KCNJ12: variants seen among roughly 807,000 people sequenced by gnomAD.
KCNJ12 encodes ATP-sensitive inward rectifier potassium channel 12.
Under a neutral mutation model 22.3 loss-of-function variants are expected in KCNJ12, and 2 were observed. The ratio of observed to expected loss-of-function variants is 0.09; its 90% CI spans 0.04 to 0.28. KCNJ12 has a LOEUF of 0.28. Ranked by LOEUF, KCNJ12 falls within the 10% of genes least tolerant of loss-of-function variation. KCNJ12 has a pLI of 1.00. For synonymous variants in KCNJ12, 117 were observed against 261.4 expected (o/e 0.45, Z 5.33); for missense variants, 155 against 633.3 (o/e 0.24, Z 8.11).
At chr17:21,402,939 C>T (rs1905711259) in intron 1 of KCNJ12, among the ~76,000 whole-genome samples, 1 of 152,306 alleles carries the variant, frequency 6.6e-6, no homozygotes, top group Admixed American at 6.5e-5. Flanking sequence ...TGACCTTGGG[C>T]ATGGCTCCTC....
chr17:21,379,464 C>G (rs574378758), intron 1 of KCNJ12, among the ~76,000 whole-genome samples: 1 of 152,320 alleles, frequency 6.6e-6, no homozygotes, highest in South Asian at 2.1e-4. Flanking sequence ...CAGCTGGTGC[C>G]TGTGGCTGGG....
chr17:21,411,369 G>A (rs1906334720), intron 2 of KCNJ12, among the ~76,000 whole-genome samples: 1 of 152,282 alleles, frequency 6.6e-6, no homozygotes, highest in South Asian at 2.1e-4. Context: ...CAGGAAAGCA[G>A]GGATCTCCGG....
At chr17:21,389,828 G>A (rs1015381441) in intron 1 of KCNJ12, among the ~76,000 whole-genome samples, 2 of 152,020 alleles carry the variant, frequency 1.3e-5, no homozygotes, top group African/African-American at 2.4e-5. Context: ...GAGGTCCCCA[G>A]CCACCTGCTT....
intron 1 of KCNJ12, among the ~76,000 whole-genome samples, chr17:21,390,191 C>G (rs1160344312): frequency 6.6e-6 from 1 of 152,190 alleles, no homozygotes; most frequent in Non-Finnish European, 1.5e-5. Flanking sequence ...TGGACTGTCA[C>G]CCCTCACCCA....
At position 21,415,726 on chromosome 17, in the gene KCNJ12, C is replaced by T. The variant is rs781915873; in HGVS notation, c.384C>T (p.His128=). Residue 128 remains histidine, a synonymous_variant, in exon 3 of 3, where the codon CAC becomes CAT. Coordinates refer to ENST00000583088, the MANE Select transcript of KCNJ12 (RefSeq NM_021012.5). ...GCACACCCTGTGTGATGCAGGTGCA[C>T]GGCTTCATGGCGGCCTTCCTCTTCT... ...RGRTPCVMQV[H]GFMAAFLFSI... is the part of the protein sequence containing the mutation. 79 of 1,612,946 alleles carry T rather than the reference C, an allele frequency of 4.9e-5. No individual in the cohort carries two copies. The Admixed American group carries it at 6.5e-4, about 13-fold the overall frequency.
intron 1 of KCNJ12, among the ~76,000 whole-genome samples, chr17:21,403,640 T>A (rs1905760443): frequency 6.6e-6 from 1 of 152,212 alleles, no homozygotes; most frequent in South Asian, 2.1e-4. Context: ...TGGAGTGGGG[T>A]CCAGCTGAGG....
At chr17:21,402,612 C>T (rs112251671) in intron 1 of KCNJ12, among the ~76,000 whole-genome samples, 1,669 of 151,754 alleles carry the variant, frequency 0.011, no homozygotes, top group Middle Eastern at 0.027. Context: ...TAGGGTGAAC[C>T]CCAGAGCCCT....
intron 1 of KCNJ12, among the ~76,000 whole-genome samples, chr17:21,383,162 A>T (rs2144764179): frequency 6.6e-6 from 1 of 152,324 alleles, no homozygotes; most frequent in African/African-American, 2.4e-5. Flanking sequence ...AGGGGGATGG[A>T]GTGGCCTGGT....
In KCNJ12 at chr17:21,383,622, C is replaced by G. The variant is rs570646219; in HGVS notation, c.-179+6709C>G. Reference sequence around the variant, plus strand: ...AGGGGTCACAGCCACCTGTTTGGCCCTGGGGATCCCCAATCACAAGCCACC... The same window carrying G: ...AGGGGTCACAGCCACCTGTTTGGCCGTGGGGATCCCCAATCACAAGCCACC... On this transcript the variant is annotated intron_variant, in intron 1 of 2. Coordinates refer to ENST00000583088, the MANE Select transcript of KCNJ12 (RefSeq NM_021012.5). Among the ~76,000 whole-genome samples, 11 of 152,340 alleles carry G rather than the reference C, an allele frequency of 7.2e-5. No homozygotes were observed. In the South Asian group the frequency reaches 1.4e-3, roughly 20 times the overall value.
At chr17:21,406,774 G>A (rs1329124158) in intron 1 of KCNJ12, among the ~76,000 whole-genome samples, 2 of 152,306 alleles carry the variant, frequency 1.3e-5, no homozygotes, top group African/African-American at 4.8e-5. Flanking sequence ...ATTCCAGCCA[G>A]AAAAACCAGT....
At chr17:21,400,610 G>A (rs1905552504) in intron 1 of KCNJ12, among the ~76,000 whole-genome samples, 1 of 152,308 alleles carries the variant, frequency 6.6e-6, no homozygotes, top group South Asian at 2.1e-4. Context: ...GTGGGCGAGG[G>A]GCCAGGCTGC....
intron 1 of KCNJ12, among the ~76,000 whole-genome samples, chr17:21,398,397 C>T (rs781859656): frequency 2.0e-5 from 3 of 152,300 alleles, no homozygotes; most frequent in Admixed American, 6.5e-5. Flanking sequence ...GGAATGAATG[C>T]GTCCTCCCCT....
chr17:21,395,568 C>CAAA (rs10652801), intron 1 of KCNJ12, among the ~76,000 whole-genome samples: 1,210 of 48,076 alleles, frequency 0.025, 179 homozygotes, highest in African/African-American at 0.079. Context: ...GACTTCTTCT[C>CAAA]AAAAAAAAAA....
chr17:21,386,799 C>A (rs1555558703), intron 1 of KCNJ12, among the ~76,000 whole-genome samples: 1 of 152,244 alleles, frequency 6.6e-6, no homozygotes, highest in African/African-American at 2.4e-5. Context: ...AATCACCGCG[C>A]CAGGACCTCT....
At chr17:21,404,549 A>G (rs1374088281) in intron 1 of KCNJ12, among the ~76,000 whole-genome samples, 1 of 152,270 alleles carries the variant, frequency 6.6e-6, no homozygotes, top group Admixed American at 6.5e-5. Flanking sequence ...AGAGAGGGAC[A>G]GAGCCCTGCT....
At chr17:21,399,491 A>G (rs1440770845) in intron 1 of KCNJ12, among the ~76,000 whole-genome samples, 1 of 152,182 alleles carries the variant, frequency 6.6e-6, no homozygotes, top group Non-Finnish European at 1.5e-5. Flanking sequence ...GCTCAGAGAA[A>G]GACCATAGCT....
intron 1 of KCNJ12, among the ~76,000 whole-genome samples, chr17:21,403,886 A>G (rs1905777779): frequency 6.6e-6 from 1 of 152,272 alleles, no homozygotes; most frequent in Non-Finnish European, 1.5e-5. Context: ...AGGGATGGAG[A>G]CAGGATTTGA....
chr17:21,378,423 C>G (rs1418814125), intron 1 of KCNJ12, among the ~76,000 whole-genome samples: 3 of 152,234 alleles, frequency 2.0e-5, no homozygotes, highest in Admixed American at 6.5e-5. Flanking sequence ...CCCCTCAGTT[C>G]TCTGGTGGCA....
intron 1 of KCNJ12, among the ~76,000 whole-genome samples, chr17:21,396,400 A>T (rs1370561621): frequency 6.6e-6 from 1 of 152,054 alleles, no homozygotes; most frequent in Non-Finnish European, 1.5e-5. Context: ...CACAGCTTCT[A>T]CTTGCCTGGT....
Sources: gnomAD v4.1 joint callset for allele counts (sites outside exome capture counted in the v4.1 genomes callset) on GRCh38, gnomAD v4.1.1 for gene constraint, MANE v1.5 for transcripts, NCBI Gene and HGNC (gene_info 2026-07-23, HGNC 2026-07-21) for gene names.